MTUS2: variants seen among roughly 807,000 people sequenced by gnomAD.
MTUS2 encodes the protein microtubule-associated tumor suppressor candidate 2.
MTUS2 carries 40 observed loss-of-function variants against 114.1 expected under a neutral mutation model. The ratio of observed to expected loss-of-function variants is 0.35; its 90% CI spans 0.27 to 0.46. The LOEUF (loss-of-function observed/expected upper bound fraction) is 0.46, where lower values mean the gene tolerates loss of function less well. Among genes scored for constraint, MTUS2 ranks in the 20% least tolerant of loss-of-function variants. The pLI, the probability that MTUS2 is intolerant of heterozygous loss-of-function variation, is 1.00. For missense variants in MTUS2, 1,679 were observed against 1,705.4 expected, an observed-to-expected ratio of 0.98 and a Z score of 0.27; for synonymous variants, 688 against 672.0, an observed-to-expected ratio of 1.02 and a Z score of -0.37.
chr13:29,084,790 C>CT (rs1287950765), intron 4 of MTUS2, among the ~76,000 whole-genome samples: 13 of 112,988 alleles, frequency 1.2e-4, no homozygotes, highest in Non-Finnish European at 3.8e-5. Flanking sequence ...CACCCCCCCC[C>CT]CTCACCGTTG....
chr13:29,321,936 G>T (rs191223262), intron 6 of MTUS2, among the ~76,000 whole-genome samples: 1 of 152,290 alleles, frequency 6.6e-6, no homozygotes, highest in East Asian at 1.9e-4. Flanking sequence ...TTCCATGCCA[G>T]TACAATATAG....
chr13:29,501,916 T>C (rs3011619), intron 15 of MTUS2, among the ~76,000 whole-genome samples: 147,150 of 152,314 alleles, frequency 0.97, 71,199 homozygotes, highest in Non-Finnish European at 1. Flanking sequence ...CACACTCATA[T>C]ACTCATACAA....
intron 7 of MTUS2, among the ~76,000 whole-genome samples, chr13:29,335,717 G>C (rs549588402): frequency 1.2e-4 from 18 of 152,204 alleles, no homozygotes; most frequent in African/African-American, 3.9e-4. Context: ...ATCGGGGGCG[G>C]GTTCCCCCAA....
At chr13:29,106,464 A>G (rs9579287) in intron 5 of MTUS2, among the ~76,000 whole-genome samples, 102,138 of 151,928 alleles carry the variant, frequency 0.67, 35,030 homozygotes, top group Non-Finnish European at 0.74. Context: ...GGCTTAAGCA[A>G]TTCTCTGCCT....
intron 5 of MTUS2, among the ~76,000 whole-genome samples, chr13:29,169,589 T>A (rs1893466928): frequency 6.6e-6 from 1 of 152,192 alleles, no homozygotes; most frequent in Non-Finnish European, 1.5e-5. Context: ...CAGATATAGA[T>A]GATATGATAT....
At chr13:29,452,365 T>A (rs1878748028) in intron 9 of MTUS2, among the ~76,000 whole-genome samples, 1 of 152,150 alleles carries the variant, frequency 6.6e-6, no homozygotes, top group African/African-American at 2.4e-5. Context: ...CCCTTTAAAA[T>A]GTTTACTCTT....
At chr13:29,218,266 A>C (rs182591231) in intron 5 of MTUS2, among the ~76,000 whole-genome samples, 1 of 124,144 alleles carries the variant, frequency 8.1e-6, no homozygotes, top group Non-Finnish European at 1.7e-5. Flanking sequence ...CTATCTGTTT[A>C]TGTTGTATCA....
At chr13:29,088,058 CAAAAAA>C (rs57654117) in intron 4 of MTUS2, among the ~76,000 whole-genome samples, 68,465 of 136,128 alleles carry the variant, frequency 0.5, 16,853 homozygotes, top group Admixed American at 0.54. Context: ...GACTCCGTCT[CAAAAAA>C]AAAAAAAAAA....
chr13:29,452,877 T>C (rs1878826591), intron 9 of MTUS2, among the ~76,000 whole-genome samples: 1 of 152,208 alleles, frequency 6.6e-6, no homozygotes, highest in Non-Finnish European at 1.5e-5. Flanking sequence ...GTCAGCTGCC[T>C]CCACTGGTTT....
intron 2 of MTUS2, among the ~76,000 whole-genome samples, chr13:28,914,065 T>C (rs1404171429): frequency 6.6e-6 from 1 of 152,042 alleles, no homozygotes; most frequent in African/African-American, 2.4e-5. Context: ...CTCCTGGATT[T>C]ATTGGTTTTT....
rs747742787 is a variant in MTUS2 at position 29,025,758 on chromosome 13, C to T, written c.1060C>T (p.Pro354Ser). 109 of 1,613,770 alleles carry T rather than the reference C, an allele frequency of 6.8e-5. No homozygotes were observed. Among genetic ancestry groups the T allele is most frequent in the Non-Finnish European group, 9.1e-5 (107 of 1,179,886 alleles). ...AAGGGATCCATGTGGGGAAGCACAC[C>T]CGGAAGCCACCGATGCACTTGGCCA... ...EGRDPCGEAH[P>S]EATDALGHLL... The change falls in exon 3 of 16, where the codon CCG becomes TCG. Residue 354 changes from proline (P) to serine (S), a missense_variant. Coordinates refer to ENST00000612955, the MANE Select transcript of MTUS2 (RefSeq NM_001033602.4).
intron 2 of MTUS2, among the ~76,000 whole-genome samples, chr13:28,861,252 A>G (rs1281393462): frequency 6.6e-6 from 1 of 152,180 alleles, no homozygotes; most frequent in African/African-American, 2.4e-5. Flanking sequence ...TTAATTGTCC[A>G]TTTAACAATG....
Position 29,503,473 on chromosome 13 carries a change from C to A in MTUS2, c.*267C>A, listed in dbSNP as rs910385176. 3 of 565,552 alleles carry A rather than the reference C, an allele frequency of 5.3e-6. No homozygotes were observed. The African/African-American group carries it at 5.6e-5, about 11-fold the overall frequency. 35.0% of individuals were successfully genotyped at this position (565,552 alleles called of 1,614,324 possible). On this transcript the variant is annotated 3_prime_UTR_variant, in exon 16 of 16. Transcript: ENST00000612955. ...CTTGCAATTGTTCTTGAGCAATGAA[C>A]TTTCACTGCAGAATTTCAGGTTAGT...
chr13:29,171,141 A>AGAGT (rs1555246812), intron 5 of MTUS2, among the ~76,000 whole-genome samples: 3 of 150,194 alleles, frequency 2.0e-5, no homozygotes, highest in Non-Finnish European at 4.4e-5. Flanking sequence ...AGAGAGAGAG[A>AGAGT]GTGTGTGTGT....
chr13:29,147,197 A>T (rs772152150), intron 5 of MTUS2, among the ~76,000 whole-genome samples: 10 of 152,104 alleles, frequency 6.6e-5, no homozygotes, highest in Non-Finnish European at 1.5e-4. Flanking sequence ...TATGATATGA[A>T]TGAGGTTAAA....
chr13:29,312,254 G>A (rs375422303), intron 6 of MTUS2, among the ~76,000 whole-genome samples: 1 of 152,168 alleles, frequency 6.6e-6, no homozygotes, highest in Non-Finnish European at 1.5e-5. Context: ...CCACTAATTG[G>A]TGAATTCCTA....
rs1028954889 is a variant in MTUS2, at chr13:29,366,368, A to G, written c.3117+6895A>G. On this transcript the variant is annotated intron_variant, in intron 8 of 15. Transcript: ENST00000612955. ...AATGGCATGGGAAAGACCCACCCCC[A>G]TGATTCAGTTACCTCCCACCAGGTC... Among the ~76,000 whole-genome samples, 3 of 152,244 alleles carry G rather than the reference A, an allele frequency of 2.0e-5. No individual in the cohort carries two copies. In the South Asian group the frequency reaches 6.2e-4, roughly 32 times the overall value.
At chr13:29,421,035 C>T (rs1876061808) in intron 8 of MTUS2, among the ~76,000 whole-genome samples, 1 of 152,198 alleles carries the variant, frequency 6.6e-6, no homozygotes, top group South Asian at 2.1e-4. Context: ...AGAGCAAAAA[C>T]ACATATGCCA....
intron 6 of MTUS2, among the ~76,000 whole-genome samples, chr13:29,299,804 A>G (rs1032809911): frequency 6.6e-6 from 1 of 151,776 alleles, no homozygotes; most frequent in African/African-American, 2.4e-5. Context: ...ATGCTCCCCC[A>G]TTTTTTTCCA....
Sources: gnomAD v4.1 joint callset for allele counts (sites outside exome capture counted in the v4.1 genomes callset) on GRCh38, gnomAD v4.1.1 for gene constraint, MANE v1.5 for transcripts, NCBI Gene and HGNC (gene_info 2026-07-23, HGNC 2026-07-21) for gene names.